Variants in IL11 observed in about 807,000 individuals in gnomAD.
IL11 encodes the protein interleukin-11.
Under a neutral mutation model 18.1 loss-of-function variants are expected in IL11, and 17 were observed. That is an observed-to-expected ratio of 0.94 (90% CI 0.64 to 1.41). IL11 has a LOEUF of 1.41. Among genes scored for constraint, IL11 ranks in the 40% most tolerant of loss-of-function variants. IL11 has a pLI of 0.00. For synonymous variants in IL11, 144 were observed against 134.1 expected (o/e 1.07, Z -0.51); for missense variants, 309 against 262.8 (o/e 1.18, Z -1.22).
At position 55,365,677 on chromosome 19, in the gene IL11, C is replaced by T. The variant is rs1393893796; in HGVS notation, c.*330G>A. ...CCCACCCCAACATGAAAAGTAATTG[C>T]TTAAATAAATAATATATGTTCCTGC... is the stretch of plus-strand genomic sequence containing the variant. On this transcript the variant is annotated 3_prime_UTR_variant, in exon 5 of 5. Transcript: ENST00000264563. The T allele has an allele frequency of 3.4e-6, 1 of 296,500 alleles. No individual in the cohort carries two copies. The highest frequency in any genetic ancestry group is 6.2e-6 in the Non-Finnish European group (1 of 161,012). The allele number at this position is 296,500 out of a possible 1,614,324, so 18.4% of individuals were successfully genotyped here. A position where few individuals can be genotyped will look rare whatever the true frequency, so the allele number is the denominator to read the frequency against.
chr19:55,368,077 G>T, intron 4 of IL11, 133 bp downstream of exon 4: 1 of 739,570 alleles, frequency 1.4e-6, no homozygotes, highest in Non-Finnish European at 2.2e-6. Flanking sequence ...AGAGCGGGCT[G>T]TTAGGGTGTC....
chr19:55,369,073 G>GC lies in IL11; in HGVS notation c.8-133dup. ...TCCTCCTGGGTCTGAGGGAGGAGAG[G>GC]CTGGGGGCCTGGACTCCTAGGTCTG... On this transcript the variant is annotated intron_variant, in intron 1 of 4. Coordinates refer to ENST00000264563, the MANE Select transcript of IL11 (RefSeq NM_000641.4). This position sits in a 1 kb window ranked among gnomAD's most constrained non-coding sequence, Gnocchi z 6.1. 4.0e-6 allele frequency: 3 copies of GC among 754,496 alleles called. No individual in the cohort carries two copies. In the African/African-American group the frequency reaches 8.2e-5, roughly 21 times the overall value. 46.7% of individuals were successfully genotyped at this position (754,496 alleles called of 1,614,324 possible).
chr19:55,367,711 C>A (rs1013823542), intron 4 of IL11, among the ~76,000 whole-genome samples: 2 of 151,976 alleles, frequency 1.3e-5, no homozygotes, highest in Non-Finnish European at 2.9e-5. Flanking sequence ...CCACTTGCCT[C>A]GGCCTCCCAA....
rs1329959504 is a variant in IL11, at chr19:55,365,544, A to C, written c.*463T>G. 1.2e-5 allele frequency: 2 copies of C among 160,832 alleles called. No individual in the cohort carries two copies. Among genetic ancestry groups the C allele is most frequent in the Non-Finnish European group, 2.7e-5 (2 of 73,970 alleles). The allele number at this position is 160,832 out of a possible 1,614,324, so 10.0% of individuals were successfully genotyped here. ...AGCATCCAGCCCCAGCTCTCAGACA[A>C]ATCGCCCTCAAGTGGATATGTATGA... On this transcript the variant is annotated 3_prime_UTR_variant, in exon 5 of 5. Transcript: ENST00000264563.
At chr19:55,368,408 C>A in intron 3 of IL11, 37 bp from the exon 4 acceptor site, 2 of 1,584,904 alleles carry the variant, frequency 1.3e-6, no homozygotes, top group East Asian at 2.3e-5. Context: ...AACACCCGAC[C>A]AGTGCCCCTC....
chr19:55,365,683 T>G lies in IL11; in HGVS notation c.*324A>C. 1 of 302,160 alleles carries G rather than the reference T, an allele frequency of 3.3e-6. No homozygotes were observed. 18.7% of individuals were successfully genotyped at this position (302,160 alleles called of 1,614,324 possible). ...CCAACATGAAAAGTAATTGCTTAAATAAATAATATATGTTCCTGCCCAGGC... is the reference window on the plus strand; with the variant it reads ...CCAACATGAAAAGTAATTGCTTAAAGAAATAATATATGTTCCTGCCCAGGC... On this transcript the variant is annotated 3_prime_UTR_variant, in exon 5 of 5. Coordinates refer to ENST00000264563, the MANE Select transcript of IL11 (RefSeq NM_000641.4).
intron 2 of IL11, 41 bp downstream of exon 2, chr19:55,368,720 TCCTCTCTG>T (rs1468973416): frequency 6.5e-7 from 1 of 1,529,376 alleles, no homozygotes; most frequent in African/African-American, 1.4e-5. Flanking sequence ...TCCTCTCCGT[TCCTCTCTG>T]CCTCTCACTC....
At position 55,368,264 on chromosome 19, in the gene IL11, C is replaced by T. The variant is rs1333932097; in HGVS notation, c.375G>A (p.Glu125=). ...CCAGTCGGGCCTGCAGGGTGCCCAG[C>T]TCGGGCTCCAGGGTCTTCAGGGAAG... ...GGSSLKTLEP[E]LGTLQARLDR... Residue 125 remains glutamate, a synonymous_variant, in exon 4 of 5, where the codon GAG becomes GAA. Coordinates refer to ENST00000264563, the MANE Select transcript of IL11 (RefSeq NM_000641.4). 20 of 1,551,620 alleles carry T rather than the reference C, an allele frequency of 1.3e-5. No individual in the cohort carries two copies. The highest frequency in any genetic ancestry group is 1.7e-5 in the Non-Finnish European group (20 of 1,147,350).
At chr19:55,367,167 G>A (rs1436525875) in intron 4 of IL11, among the ~76,000 whole-genome samples, 1 of 152,144 alleles carries the variant, frequency 6.6e-6, no homozygotes, top group Non-Finnish European at 1.5e-5. Context: ...GAAGTCTTCT[G>A]GTCTCAGGGC....
At chr19:55,367,291 G>A (rs751797524) in intron 4 of IL11, among the ~76,000 whole-genome samples, 1 of 151,908 alleles carries the variant, frequency 6.6e-6, no homozygotes, top group African/African-American at 2.4e-5. Flanking sequence ...AGGGCTCGGG[G>A]TCTAGGTCCT....
Position 55,366,987 on chromosome 19 carries a change from G to A in IL11, c.430-810C>T, listed in dbSNP as rs1482273182. Among the ~76,000 whole-genome samples, 1 of 152,114 alleles carries A rather than the reference G, an allele frequency of 6.6e-6. No homozygotes were observed. Among genetic ancestry groups the A allele is most frequent in the African/African-American group, 2.4e-5 (1 of 41,410 alleles). On this transcript the variant is annotated intron_variant, in intron 4 of 4. Coordinates refer to ENST00000264563, the MANE Select transcript of IL11 (RefSeq NM_000641.4). This position sits in a 1 kb window ranked among gnomAD's most constrained non-coding sequence, Gnocchi z 4.6. ...TGGGGTTTTACAGACAGTATCTGAG[G>A]TCTGTGGGCTCGAGTCTAGGGTCAG...
chr19:55,368,688 C>T (rs1781100508), intron 2 of IL11, 81 bp downstream of exon 2: 1 of 1,501,146 alleles, frequency 6.7e-7, no homozygotes, highest in Non-Finnish European at 9.0e-7. Context: ...CCCAGAACCC[C>T]TCCAAGTGGC....
chr19:55,370,332 C>T lies in IL11; in HGVS notation c.-22G>A. 1 of 1,428,672 alleles carries T rather than the reference C, an allele frequency of 7.0e-7. No homozygotes were observed. The highest frequency in any genetic ancestry group is 9.3e-7 in the Non-Finnish European group (1 of 1,080,174). The allele number at this position is 1,428,672 out of a possible 1,614,324, so 88.5% of individuals were successfully genotyped here. On this transcript the variant is annotated 5_prime_UTR_variant, in exon 1 of 5. Transcript: ENST00000264563. ...TCATGTCCCCACAGGGCCAGGGGTT[C>T]CCCAGGGCAGGGGGCAGGGAGCCGG...
In IL11 at chr19:55,365,703, C is replaced by T. The variant is rs1042471807; in HGVS notation, c.*304G>A. On this transcript the variant is annotated 3_prime_UTR_variant, in exon 5 of 5. Coordinates refer to ENST00000264563, the MANE Select transcript of IL11 (RefSeq NM_000641.4). ...TTAAATAAATAATATATGTTCCTGC[C>T]CAGGCCTAGATGGGGAAGAGCCAGG... 2 of 411,386 alleles carry T rather than the reference C, an allele frequency of 4.9e-6. No homozygotes were observed. The highest frequency in any genetic ancestry group is 2.1e-5 in the African/African-American group (1 of 47,080). The allele number at this position is 411,386 out of a possible 1,614,324, so 25.5% of individuals were successfully genotyped here. A position where few individuals can be genotyped will look rare whatever the true frequency, so the allele number is the denominator to read the frequency against.
At position 55,370,329 on chromosome 19, in the gene IL11, G is replaced by T. The variant is rs1209422526; in HGVS notation, c.-19C>A. 29 of 1,434,878 alleles carry T rather than the reference G, an allele frequency of 2.0e-5. No homozygotes were observed. The highest frequency in any genetic ancestry group is 2.2e-5 in the Non-Finnish European group (24 of 1,083,178). The allele number at this position is 1,434,878 out of a possible 1,614,324, so 88.9% of individuals were successfully genotyped here. The stretch of plus-strand genomic sequence containing the variant: ...AGTTCATGTCCCCACAGGGCCAGGG[G>T]TTCCCCAGGGCAGGGGGCAGGGAGC... On this transcript the variant is annotated 5_prime_UTR_variant, in exon 1 of 5. Coordinates refer to ENST00000264563, the MANE Select transcript of IL11 (RefSeq NM_000641.4).
At chr19:55,368,600 C>T (rs753240724) in intron 2 of IL11, 31 bp from the exon 3 acceptor site, 66 of 1,576,788 alleles carry the variant, frequency 4.2e-5, no homozygotes, top group Middle Eastern at 1.9e-4. Context: ...GAGGTGGCCC[C>T]TGCCCAGCCT....
intron 4 of IL11, among the ~76,000 whole-genome samples, chr19:55,367,786 G>A (rs1032108102): frequency 3.9e-5 from 6 of 152,094 alleles, no homozygotes; most frequent in Admixed American, 6.6e-5. Context: ...ATGTCATGGG[G>A]CCAGGGTCTC....
rs4252560 is a variant in IL11, at chr19:55,365,461, C to G, written c.*546G>C. On this transcript the variant is annotated 3_prime_UTR_variant, in exon 5 of 5. Coordinates refer to ENST00000264563, the MANE Select transcript of IL11 (RefSeq NM_000641.4). ...CATCTCCCAGTCGCTGCCCCGCCCACTCGGGACCTCCACCTGAATGGAGGT... is the reference window on the plus strand; with the variant it reads ...CATCTCCCAGTCGCTGCCCCGCCCAGTCGGGACCTCCACCTGAATGGAGGT... 0.051 allele frequency: 8,289 copies of G among 161,662 alleles called. 726 individuals carry two copies. Among genetic ancestry groups the G allele is most frequent in the African/African-American group, 0.19 (7,831 of 41,480 alleles). The allele number at this position is 161,662 out of a possible 1,614,324, so 10.0% of individuals were successfully genotyped here. A position where few individuals can be genotyped will look rare whatever the true frequency, so the allele number is the denominator to read the frequency against.
Position 55,368,859 on chromosome 19 carries a change from T to G in IL11, c.90A>C (p.Arg30=). ...GCTCGGCCCGAGGGTCTGGGGAAAC[T>G]CGAGGGGGGCCAGGTGGTGGCCCAG... is the stretch of plus-strand genomic sequence containing the variant. ...VAPGPPPGPP[R]VSPDPRAELD... Residue 30 remains arginine, a synonymous_variant, in exon 2 of 5, where the codon CGA becomes CGC. Transcript: ENST00000264563. 1 of 1,581,248 alleles carries G rather than the reference T, an allele frequency of 6.3e-7. No homozygotes were observed. The highest frequency in any genetic ancestry group is 8.6e-7 in the Non-Finnish European group (1 of 1,163,826).
Sources: allele counts gnomAD v4.1 joint callset (sites outside exome capture counted in the v4.1 genomes callset), GRCh38; gene constraint gnomAD v4.1.1; non-coding constraint Gnocchi (gnomAD v3.1); transcripts MANE v1.5; gene names NCBI Gene and HGNC (gene_info 2026-07-23, HGNC 2026-07-21).